RPGR: variants seen among roughly 807,000 people sequenced by gnomAD.
The protein encoded by RPGR is retinitis pigmentosa GTPase regulator.
In RPGR, 10 loss-of-function variants were observed where a neutral mutation model predicts 56.3. That is an observed-to-expected ratio of 0.18 (90% confidence interval 0.11 to 0.30). The LOEUF is 0.30. RPGR is among the 10% of genes least tolerant of loss of function. The pLI, the probability that RPGR is intolerant of heterozygous loss-of-function variation, is 1.00. For missense variants in RPGR, 538 were observed against 590.9 expected (o/e 0.91, Z 0.93); for synonymous variants, 197 against 212.9 (o/e 0.93, Z 0.65).
At chrX:38,319,317 C>A (rs1005864459) in intron 4 of RPGR, among the ~76,000 whole-genome samples, 1 of 112,366 alleles carries the variant, frequency 8.9e-6, no homozygotes, top group Admixed American at 9.4e-5. Flanking sequence ...GTTTAAAATG[C>A]AAATCTATTT....
chrX:38,313,522 C>G (rs1189937718), intron 6 of RPGR, among the ~76,000 whole-genome samples: 1 of 112,268 alleles, frequency 8.9e-6, no homozygotes, highest in Middle Eastern at 4.2e-3. Flanking sequence ...AACACATAAT[C>G]AGTGCCTGGT....
At chrX:38,280,336 GA>G (rs1027388089) in intron 15 of RPGR, among the ~76,000 whole-genome samples, 3 of 110,816 alleles carry the variant, frequency 2.7e-5, no homozygotes, top group African/African-American at 9.9e-5. Flanking sequence ...CTTATCACTG[GA>G]AAATAGTTCA....
chrX:38,312,368 G>A (rs1206303366), intron 6 of RPGR, among the ~76,000 whole-genome samples: 1 of 110,805 alleles, frequency 9.0e-6, no homozygotes, highest in Non-Finnish European at 1.9e-5. Context: ...ACCTTAACAT[G>A]AATTTTCACC....
intron 6 of RPGR, among the ~76,000 whole-genome samples, chrX:38,311,240 C>A (rs1248243576): frequency 1.8e-5 from 2 of 112,197 alleles, no homozygotes; most frequent in Non-Finnish European, 3.8e-5. Flanking sequence ...CTTAAGATAG[C>A]AGATTTTACC....
At chrX:38,287,349 T>C in intron 14 of RPGR, 104 bp from the exon 15 acceptor site, 1 of 1,148,256 alleles carries the variant, frequency 8.7e-7, no homozygotes, top group African/African-American at 1.8e-5. Flanking sequence ...TGCCATACCG[T>C]ATGTTTTGGT....
chrX:38,287,533 C>T (rs756604501), intron 14 of RPGR: 84 of 508,255 alleles, frequency 1.7e-4, no homozygotes, highest in Non-Finnish European at 2.6e-4. Context: ...GCAACTTTCC[C>T]TTTTCTTAAC....
intron 1 of RPGR, chrX:38,326,649 C>T (rs1242718713): frequency 2.7e-5 from 3 of 111,557 alleles, no homozygotes; most frequent in Non-Finnish European, 5.6e-5. Context: ...TCCTGTATCC[C>T]CTTTTACCCC....
At chrX:38,324,848 G>A (rs1164771011) in intron 1 of RPGR, among the ~76,000 whole-genome samples, 1 of 103,856 alleles carries the variant, frequency 9.6e-6, no homozygotes, top group African/African-American at 3.5e-5. Flanking sequence ...GTAAGATGAG[G>A]TCATCACAAA....
In RPGR at chrX:38,327,358, G is replaced by A; in HGVS notation, c.10C>T (p.Pro4Ser). ...AACTCACCGGGCATCAGCTCTTCCG[G>A]CTCCCTCATGCCACGGGCAGTACGG... Residue 4 changes from proline (P) to serine (S), a missense_variant, in exon 1 of 19, where the codon CCG becomes TCG. By Grantham distance (74) the Pro-to-Ser change is moderately conservative. Around this residue, in one of 2 missense-constraint regions of RPGR, gnomAD observed 181 missense variants for 265.1 expected, o/e 0.68. Transcript: ENST00000642395. 1 of 1,188,360 alleles carries A rather than the reference G, an allele frequency of 8.4e-7. No homozygotes were observed. The highest frequency in any genetic ancestry group is 1.1e-6 in the Non-Finnish European group (1 of 884,871).
At chrX:38,269,888 A>ATGG in intron 18 of RPGR, 2 of 887,749 alleles carry the variant, frequency 2.3e-6, no homozygotes, top group Non-Finnish European at 3.2e-6. Flanking sequence ...ACATTCACTT[A>ATGG]ACAGTATTTA....
rs144832227 is a variant in RPGR at position 38,284,999 on chromosome X, T to C, written c.1905+2095A>G. 5.4e-5 allele frequency: 41 copies of C among 754,145 alleles called. No homozygotes were observed. In the East Asian group the frequency reaches 4.9e-3, roughly 91 times the overall value. 62.2% of individuals were successfully genotyped at this position (754,145 alleles called of 1,213,427 possible). A position where few individuals can be genotyped will look rare whatever the true frequency, so the allele number is the denominator to read the frequency against. On this transcript the variant is annotated intron_variant, in intron 15 of 18. Transcript: ENST00000642395. ...TGTAGATTTTTGCAAAAAGAACACA[T>C]AAAAGGTGAAAGACAATACTTTCTT... is the stretch of plus-strand genomic sequence containing the variant.
intron 9 of RPGR, among the ~76,000 whole-genome samples, chrX:38,300,379 T>C (rs2067481056): frequency 8.9e-6 from 1 of 111,975 alleles, no homozygotes; most frequent in Non-Finnish European, 1.9e-5. Context: ...CAAATTTCAG[T>C]ATTATCATCA....
At position 38,286,047 on chromosome X, in the gene RPGR, CTCCTCT is replaced by C. The variant is rs767210576; in HGVS notation, c.1905+1041_1905+1046del. The stretch of plus-strand genomic sequence containing the variant: ...CCTCTTCCCCCTCCCCTTCTCCTTC[CTCCTCT>C]TCCCCCTCCCCTTCTCCTTCCTCCC... On this transcript the variant is annotated intron_variant, in intron 15 of 18. Coordinates refer to ENST00000642395, the MANE Select transcript of RPGR (RefSeq NM_000328.3). The C allele has an allele frequency of 1.2e-5, 8 of 685,193 alleles. No individual in the cohort carries two copies. In the African/African-American group the frequency reaches 1.4e-4, roughly 12 times the overall value. The allele number at this position is 685,193 out of a possible 1,213,427, so 56.5% of individuals were successfully genotyped here.
At chrX:38,304,495 G>T in intron 8 of RPGR, 140 bp downstream of exon 8, 1 of 481,769 alleles carries the variant, frequency 2.1e-6, no homozygotes. Context: ...TTTATACTTT[G>T]GAATAGTAAA....
intron 15 of RPGR, among the ~76,000 whole-genome samples, chrX:38,283,267 T>C (rs1331687851): frequency 8.9e-6 from 1 of 111,889 alleles, no homozygotes; most frequent in African/African-American, 3.3e-5. Context: ...GTGTGCTTAG[T>C]AGTTTAGGAT....
At chrX:38,281,975 C>A (rs2067041058) in intron 15 of RPGR, among the ~76,000 whole-genome samples, 1 of 111,618 alleles carries the variant, frequency 9.0e-6, no homozygotes, top group Non-Finnish European at 1.9e-5. Context: ...CATAAGCTCA[C>A]ATCAATAACA....
Position 38,276,633 on chromosome X carries a change from CCTT to C in RPGR, c.2042_2044del (p.Glu681del). 2.5e-6 allele frequency: 3 copies of C among 1,211,119 alleles called. No individual in the cohort carries two copies. The highest frequency in any genetic ancestry group is 3.4e-6 in the Non-Finnish European group (3 of 895,191). On this transcript the variant is annotated inframe_deletion, in exon 16 of 19. Coordinates refer to ENST00000642395, the MANE Select transcript of RPGR (RefSeq NM_000328.3). ...GCTATCATCATTGGTTCTTTCTGCT[CCTT>C]CTGTTTTACTGTGATAACCTGTAGG...
rs187202335 is a variant in RPGR at position 38,316,950 on chromosome X, T to C, written c.619+366A>G. On this transcript the variant is annotated intron_variant, in intron 6 of 18. Coordinates refer to ENST00000642395, the MANE Select transcript of RPGR (RefSeq NM_000328.3). ...CTTCCTCTATTATTACTAGTGTAGA[T>C]AGATATAGACTATAACAGCTAGAGC... Among the ~76,000 whole-genome samples the C allele has an allele frequency of 3.6e-3, 404 of 111,921 alleles. 2 individuals are homozygous for C. Among genetic ancestry groups the C allele is most frequent in the African/African-American group, 0.012 (382 of 30,841 alleles).
At chrX:38,312,649 A>C (rs1172053136) in intron 6 of RPGR, among the ~76,000 whole-genome samples, 1 of 111,712 alleles carries the variant, frequency 9.0e-6, no homozygotes, top group East Asian at 2.8e-4. Flanking sequence ...TCTATAAAAA[A>C]AGTACACATC....
Sources: gnomAD v4.1 joint callset for allele counts (sites outside exome capture counted in the v4.1 genomes callset) on GRCh38, gnomAD v4.1.1 for gene constraint, gnomAD v4.1.1 regional missense constraint, MANE v1.5 for transcripts, NCBI Gene and HGNC (gene_info 2026-07-23, HGNC 2026-07-21) for gene names.